PPM1E: variants seen among roughly 807,000 people sequenced by gnomAD.
PPM1E encodes the protein protein phosphatase 1E.
PPM1E carries 20 observed loss-of-function variants against 65.9 expected under a neutral mutation model. The observed-to-expected ratio is 0.30, with a 90% confidence interval of 0.21 to 0.44. PPM1E has a LOEUF of 0.44. Ranked by LOEUF, PPM1E falls within the 20% of genes least tolerant of loss-of-function variation. The pLI is 1.00. For missense variants in PPM1E, 713 were observed against 953.1 expected (o/e 0.75, Z 3.32); for synonymous variants, 352 against 374.9 (o/e 0.94, Z 0.70).
chr17:58,757,375 G>A (rs763603852), intron 1 of PPM1E, among the ~76,000 whole-genome samples: 1 of 152,122 alleles, frequency 6.6e-6, no homozygotes, highest in Non-Finnish European at 1.5e-5. Context: ...TCCCAGTTCT[G>A]GTTTTTATAG....
At chr17:58,876,510 TA>T (rs1378468820) in intron 1 of PPM1E, among the ~76,000 whole-genome samples, 1 of 152,200 alleles carries the variant, frequency 6.6e-6, no homozygotes, top group Non-Finnish European at 1.5e-5. Context: ...TATTTTTTGA[TA>T]TTTTTATAGG....
At chr17:58,869,859 A>G (rs2051050330) in intron 1 of PPM1E, among the ~76,000 whole-genome samples, 1 of 152,196 alleles carries the variant, frequency 6.6e-6, no homozygotes, top group Non-Finnish European at 1.5e-5. Context: ...TCTCTGAAGA[A>G]TTTCTCTAAT....
chr17:58,900,677 C>G (rs2051488125), intron 1 of PPM1E, among the ~76,000 whole-genome samples: 1 of 152,146 alleles, frequency 6.6e-6, no homozygotes, highest in Admixed American at 6.6e-5. Flanking sequence ...CCCACACTAG[C>G]TTTGAGGTAT....
chr17:58,771,080 C>A (rs2049933596), intron 1 of PPM1E, among the ~76,000 whole-genome samples: 1 of 151,834 alleles, frequency 6.6e-6, no homozygotes, highest in Non-Finnish European at 1.5e-5. Flanking sequence ...TAGTCTTTAT[C>A]TCTTGACCTT....
intron 1 of PPM1E, among the ~76,000 whole-genome samples, chr17:58,759,957 AT>A (rs1018065401): frequency 2.2e-4 from 34 of 152,304 alleles, no homozygotes; most frequent in Non-Finnish European, 2.8e-4. Context: ...TAAGTTGCAC[AT>A]TTTTTTCTCA....
chr17:58,903,583 G>A (rs1456804348), intron 1 of PPM1E, among the ~76,000 whole-genome samples: 1 of 152,152 alleles, frequency 6.6e-6, no homozygotes, highest in East Asian at 1.9e-4. Flanking sequence ...AAGAAGTGGA[G>A]AACAAATGAA....
intron 1 of PPM1E, among the ~76,000 whole-genome samples, chr17:58,791,742 A>C (rs546010972): frequency 2.6e-5 from 4 of 152,286 alleles, no homozygotes; most frequent in Admixed American, 2.0e-4. Context: ...AATGGGCTAC[A>C]TCACATGTAT....
chr17:58,883,005 A>G (rs1301040944), intron 1 of PPM1E, among the ~76,000 whole-genome samples: 1 of 125,322 alleles, frequency 8.0e-6, no homozygotes, highest in Non-Finnish European at 1.6e-5. Flanking sequence ...CCCAGGCTGG[A>G]GTGCAGTGGT....
chr17:58,818,123 A>C (rs902741126), intron 1 of PPM1E, among the ~76,000 whole-genome samples: 7 of 152,202 alleles, frequency 4.6e-5, no homozygotes, highest in Non-Finnish European at 1.0e-4. Context: ...AATATTAAAC[A>C]GGAAAAAAAT....
intron 1 of PPM1E, among the ~76,000 whole-genome samples, chr17:58,846,203 T>C (rs1252332432): frequency 1.3e-5 from 2 of 152,208 alleles, no homozygotes; most frequent in African/African-American, 4.8e-5. Context: ...GGTCATTTGG[T>C]AATTCTATTT....
At chr17:58,926,214 G>A (rs2051822055) in intron 1 of PPM1E, among the ~76,000 whole-genome samples, 1 of 151,902 alleles carries the variant, frequency 6.6e-6, no homozygotes, top group Non-Finnish European at 1.5e-5. Context: ...GGTGGCACGT[G>A]CCTGTAGTCC....
chr17:58,921,964 C>T (rs1017254760), intron 1 of PPM1E, among the ~76,000 whole-genome samples: 4 of 150,544 alleles, frequency 2.7e-5, no homozygotes, highest in African/African-American at 4.9e-5. Context: ...TGCTTGAACC[C>T]GGGAGGCAGA....
intron 1 of PPM1E, among the ~76,000 whole-genome samples, chr17:58,903,085 G>T (rs1245712303): frequency 2.6e-5 from 4 of 152,066 alleles, no homozygotes; most frequent in Admixed American, 6.6e-5. Flanking sequence ...TAGGAAAAAA[G>T]AAAACAAATA....
chr17:58,912,886 C>A lies in PPM1E; in HGVS notation c.465-42763C>A, dbSNP rs149019424. On this transcript the variant is annotated intron_variant, in intron 1 of 6. Transcript: ENST00000308249. ...CTATATAATGAAGCCTTTGTAAAAA[C>A]CCAGAAAGGACTGGGTTCAAAGAGC... Among the ~76,000 whole-genome samples the A allele has an allele frequency of 1.3e-3, 198 of 152,220 alleles. 2 individuals are homozygous for A. The Middle Eastern group carries it at 0.017, about 13-fold the overall frequency.
intron 1 of PPM1E, among the ~76,000 whole-genome samples, chr17:58,897,136 C>A (rs779316929): frequency 2.0e-5 from 3 of 151,984 alleles, no homozygotes; most frequent in Non-Finnish European, 4.4e-5. Flanking sequence ...TACTGCCGGC[C>A]GGGCGCGGTG....
At chr17:58,774,546 A>G (rs1453900337) in intron 1 of PPM1E, among the ~76,000 whole-genome samples, 3 of 152,182 alleles carry the variant, frequency 2.0e-5, no homozygotes, top group Non-Finnish European at 2.9e-5. Flanking sequence ...GCACATCCTT[A>G]TATTGCTAGA....
intron 1 of PPM1E, among the ~76,000 whole-genome samples, chr17:58,867,788 A>G (rs2051022321): frequency 6.6e-6 from 1 of 152,128 alleles, no homozygotes; most frequent in South Asian, 2.1e-4. Flanking sequence ...CCCCCTTTTG[A>G]GAAGAGTATG....
intron 1 of PPM1E, among the ~76,000 whole-genome samples, chr17:58,931,930 A>G (rs2051905237): frequency 6.6e-6 from 1 of 152,150 alleles, no homozygotes; most frequent in Admixed American, 6.5e-5. Context: ...ACTATTCCAG[A>G]AGAGAATTTA....
At chr17:58,850,501 G>T (rs1320749009) in intron 1 of PPM1E, among the ~76,000 whole-genome samples, 2 of 152,112 alleles carry the variant, frequency 1.3e-5, no homozygotes, top group East Asian at 1.9e-4. Context: ...GCATTTGTTT[G>T]TCTGTAAAGG....
Sources: allele counts gnomAD v4.1 joint callset (sites outside exome capture counted in the v4.1 genomes callset), GRCh38; gene constraint gnomAD v4.1.1; transcripts MANE v1.5; gene names NCBI Gene and HGNC (gene_info 2026-07-23, HGNC 2026-07-21).